Variants in CPQ observed in about 807,000 individuals in gnomAD.
CPQ encodes carboxypeptidase Q.
In CPQ, 37 loss-of-function variants were observed where a neutral mutation model predicts 45.7. The observed-to-expected ratio is 0.81, with a 90% CI of 0.62 to 1.07. The LOEUF is 1.07. Among genes scored for constraint, CPQ ranks in the 50% least tolerant of loss-of-function variants. The pLI is 0.00. For missense variants in CPQ, 537 were observed against 572.9 expected, an observed-to-expected ratio of 0.94 and a Z score of 0.64; for synonymous variants, 186 against 205.8, an observed-to-expected ratio of 0.90 and a Z score of 0.82.
chr8:96,808,310 GT>G (rs1811112438), intron 2 of CPQ, among the ~76,000 whole-genome samples: 2 of 152,134 alleles, frequency 1.3e-5, no homozygotes, highest in South Asian at 2.1e-4. Context: ...AAGCTTGGTA[GT>G]TTAGCTGCAG....
At chr8:96,959,912 C>T (rs970180885) in intron 4 of CPQ, among the ~76,000 whole-genome samples, 1 of 134,520 alleles carries the variant, frequency 7.4e-6, no homozygotes, top group Non-Finnish European at 1.6e-5. Flanking sequence ...AAAAAAAAAC[C>T]AAAAACACCG....
At chr8:96,969,185 G>A (rs1365972130) in intron 5 of CPQ, among the ~76,000 whole-genome samples, 2 of 152,140 alleles carry the variant, frequency 1.3e-5, no homozygotes, top group African/African-American at 4.8e-5. Context: ...GTTGGAATGT[G>A]GAATATATAA....
At chr8:96,772,031 T>A (rs1810549863) in intron 1 of CPQ, among the ~76,000 whole-genome samples, 1 of 152,016 alleles carries the variant, frequency 6.6e-6, no homozygotes, top group Admixed American at 6.6e-5. Flanking sequence ...GAGGTATAAG[T>A]AGAGGTATGA....
At chr8:96,708,560 T>G (rs566319108) in intron 1 of CPQ, among the ~76,000 whole-genome samples, 1 of 152,104 alleles carries the variant, frequency 6.6e-6, no homozygotes, top group Non-Finnish European at 1.5e-5. Flanking sequence ...AGGACTGATA[T>G]GATATCTGCT....
At chr8:96,756,497 A>G (rs952251234) in intron 1 of CPQ, among the ~76,000 whole-genome samples, 9 of 152,152 alleles carry the variant, frequency 5.9e-5, no homozygotes, top group African/African-American at 2.2e-4. Context: ...TAGTTATATA[A>G]ATATTCATTT....
chr8:96,661,941 C>T (rs796555690), intron 1 of CPQ, among the ~76,000 whole-genome samples: 1 of 152,312 alleles, frequency 6.6e-6, no homozygotes, highest in African/African-American at 2.4e-5. Context: ...CACATCCTCA[C>T]CAGCATTTGG....
chr8:96,751,705 C>A (rs1810264324), intron 1 of CPQ, among the ~76,000 whole-genome samples: 1 of 152,132 alleles, frequency 6.6e-6, no homozygotes, highest in African/African-American at 2.4e-5. Flanking sequence ...ATAATTAAAT[C>A]TTTGCCCATG....
chr8:96,997,074 G>A (rs1375460385), intron 5 of CPQ, among the ~76,000 whole-genome samples: 3 of 151,828 alleles, frequency 2.0e-5, no homozygotes, highest in Admixed American at 6.6e-5. Flanking sequence ...TCTTCTGTTT[G>A]GAAAGTCTCT....
At chr8:97,127,513 C>T (rs554725834) in intron 7 of CPQ, among the ~76,000 whole-genome samples, 2 of 151,856 alleles carry the variant, frequency 1.3e-5, no homozygotes, top group Non-Finnish European at 2.9e-5. Context: ...CATGGTGAAA[C>T]CCCCATCTCT....
intron 3 of CPQ, among the ~76,000 whole-genome samples, chr8:96,875,079 T>TA (rs1812128382): frequency 6.6e-6 from 1 of 151,924 alleles, no homozygotes; most frequent in Admixed American, 6.6e-5. Flanking sequence ...CCTTTATAGC[T>TA]AATCATGTTC....
rs573819839 is a variant in CPQ at position 97,090,641 on chromosome 8, G to A, written c.1255+24431G>A. On this transcript the variant is annotated intron_variant, in intron 7 of 7. Coordinates refer to ENST00000220763, the MANE Select transcript of CPQ (RefSeq NM_016134.4). ...GGAGATCAACCATATTTGACTCACC[G>A]AAAATAATAACCAGTCTGGGATATG... Among the ~76,000 whole-genome samples the A allele has an allele frequency of 1.5e-4, 23 of 152,202 alleles. No individual in the cohort carries two copies. In the South Asian group the frequency reaches 2.7e-3, roughly 18 times the overall value.
chr8:97,107,382 C>T (rs1586544520), intron 7 of CPQ, among the ~76,000 whole-genome samples: 1 of 152,254 alleles, frequency 6.6e-6, no homozygotes, highest in East Asian at 1.9e-4. Flanking sequence ...AACCCCAGCA[C>T]CATCCCATAC....
At chr8:96,649,806 T>C (rs1310547343) in intron 1 of CPQ, among the ~76,000 whole-genome samples, 1 of 152,224 alleles carries the variant, frequency 6.6e-6, no homozygotes, top group East Asian at 1.9e-4. Flanking sequence ...ATCATACTTA[T>C]CTAATGACCA....
intron 7 of CPQ, among the ~76,000 whole-genome samples, chr8:97,075,905 A>G (rs569822585): frequency 6.6e-6 from 1 of 152,292 alleles, no homozygotes; most frequent in South Asian, 2.1e-4. Flanking sequence ...CTACTCTCCT[A>G]CACCCAGTTT....
intron 1 of CPQ, among the ~76,000 whole-genome samples, chr8:96,707,693 T>A (rs1362633148): frequency 7.5e-6 from 1 of 134,144 alleles, no homozygotes; most frequent in South Asian, 2.3e-4. Context: ...GAATGAATGA[T>A]TTTTTTTTTT....
intron 1 of CPQ, among the ~76,000 whole-genome samples, chr8:96,750,337 A>T (rs992478715): frequency 6.6e-6 from 1 of 152,008 alleles, no homozygotes; most frequent in Non-Finnish European, 1.5e-5. Context: ...AATAATTTTG[A>T]AAAAGTTATT....
chr8:96,824,319 T>C (rs530876334), intron 2 of CPQ, among the ~76,000 whole-genome samples: 17 of 152,196 alleles, frequency 1.1e-4, no homozygotes, highest in African/African-American at 4.1e-4. Flanking sequence ...ATACCTATCA[T>C]ATAGGGACAT....
At chr8:96,715,708 C>T (rs1051531868) in intron 1 of CPQ, among the ~76,000 whole-genome samples, 1 of 152,162 alleles carries the variant, frequency 6.6e-6, no homozygotes, top group Non-Finnish European at 1.5e-5. Context: ...TTCCCACAAG[C>T]AGAAAGTTCT....
chr8:97,071,233 C>T (rs1343705219), intron 7 of CPQ, among the ~76,000 whole-genome samples: 3 of 152,100 alleles, frequency 2.0e-5, no homozygotes, highest in African/African-American at 7.2e-5. Context: ...TTTTCTAAGC[C>T]TCATTTATTT....
Sources: allele counts gnomAD v4.1 joint callset (sites outside exome capture counted in the v4.1 genomes callset), GRCh38; gene constraint gnomAD v4.1.1; transcripts MANE v1.5; gene names NCBI Gene and HGNC (gene_info 2026-07-23, HGNC 2026-07-21).